The following SNX9 variants were observed in gnomAD, a reference collection of about 807,000 sequenced individuals.
SNX9 encodes sorting nexin-9.
A neutral mutation model predicts 89.4 loss-of-function variants in SNX9; 44 were observed. The observed-to-expected ratio is 0.49, with a 90% CI of 0.39 to 0.63. The LOEUF (loss-of-function observed/expected upper bound fraction) is 0.63, where lower values mean the gene tolerates loss of function less well. Ranked by LOEUF, SNX9 falls within the 30% of genes least tolerant of loss-of-function variation. The pLI is 0.00. For missense variants in SNX9, 578 were observed against 736.1 expected, an observed-to-expected ratio of 0.79 and a Z score of 2.49; for synonymous variants, 236 against 247.8, an observed-to-expected ratio of 0.95 and a Z score of 0.45.
intron 4 of SNX9, among the ~76,000 whole-genome samples, chr6:157,876,198 C>T (rs1167073481): frequency 6.6e-6 from 1 of 151,520 alleles, no homozygotes; most frequent in African/African-American, 2.4e-5. Context: ...CCTGTAATCC[C>T]ACCAGCACTT....
chr6:157,868,244 A>G (rs1366218614), intron 2 of SNX9, among the ~76,000 whole-genome samples: 1 of 152,234 alleles, frequency 6.6e-6, no homozygotes, highest in African/African-American at 2.4e-5. Flanking sequence ...AAGCAACTCT[A>G]TGTATAAAAA....
At chr6:157,939,102 G>T (rs1454503007) in intron 16 of SNX9, among the ~76,000 whole-genome samples, 2 of 151,996 alleles carry the variant, frequency 1.3e-5, no homozygotes, top group Non-Finnish European at 2.9e-5. Flanking sequence ...GAATGTGAAG[G>T]GGTTTGGGTG....
intron 9 of SNX9, among the ~76,000 whole-genome samples, chr6:157,919,566 A>G (rs1032103294): frequency 6.6e-6 from 1 of 151,474 alleles, no homozygotes. Flanking sequence ...TTTTTTGGTA[A>G]CTTCTCTCTC....
chr6:157,860,968 C>G (rs1481209747), intron 1 of SNX9, among the ~76,000 whole-genome samples: 3 of 152,144 alleles, frequency 2.0e-5, no homozygotes, highest in Non-Finnish European at 4.4e-5. Context: ...TCCCAAACTG[C>G]TTGTCTAATT....
chr6:157,886,258 T>C (rs2115152470), intron 4 of SNX9, among the ~76,000 whole-genome samples: 1 of 152,128 alleles, frequency 6.6e-6, no homozygotes, highest in African/African-American at 2.4e-5. Context: ...TGGTCCCAGT[T>C]CCCCAAGGAT....
chr6:157,898,366 C>T (rs975249022), intron 5 of SNX9, among the ~76,000 whole-genome samples: 1 of 152,184 alleles, frequency 6.6e-6, no homozygotes, highest in African/African-American at 2.4e-5. Flanking sequence ...GGCTGAGGGC[C>T]CCTGCTGTCG....
intron 1 of SNX9, among the ~76,000 whole-genome samples, chr6:157,864,982 T>A (rs9458714): frequency 6.7e-6 from 1 of 149,586 alleles, no homozygotes; most frequent in African/African-American, 2.5e-5. Context: ...GAGCTGAGAC[T>A]TGCCACTGCA....
Position 157,940,969 on chromosome 6 carries a change from G to A in SNX9, c.1735G>A (p.Glu579Lys), listed in dbSNP as rs772874745. The change falls in exon 17 of 18, where the codon GAA (glutamate) becomes AAA (lysine). Residue 579 changes from glutamate to lysine, a missense_variant. Around this residue, in one of 2 missense-constraint regions of SNX9, gnomAD observed 348 missense variants for 491.4 expected, o/e 0.71. Transcript: ENST00000392185. ...CCTGGAGCAGCAAGTGCAATTTTACGAAACGGTGAGTGGGCGTCCACGTGC... is the reference window on the plus strand; with the variant it reads ...CCTGGAGCAGCAAGTGCAATTTTACAAAACGGTGAGTGGGCGTCCACGTGC... ...LYLEQQVQFY[E>K]TIAEKLRQAL... is the part of the protein sequence containing the mutation. 42 of 1,614,006 alleles carry A rather than the reference G, an allele frequency of 2.6e-5. No homozygotes were observed. The Middle Eastern group carries it at 6.6e-4, about 25-fold the overall frequency.
intron 2 of SNX9, among the ~76,000 whole-genome samples, chr6:157,868,397 G>A (rs1301172492): frequency 6.6e-6 from 1 of 152,120 alleles, no homozygotes; most frequent in Non-Finnish European, 1.5e-5. Flanking sequence ...ATATAACTGG[G>A]TTTATTATGC....
Position 157,909,874 on chromosome 6 carries a change from A to G in SNX9, c.832-34A>G, listed in dbSNP as rs773712031. Reference sequence around the variant, plus strand: ...TTTTTCTTCATTTTCTAGAGTTGGCATTGGTAACCTTTTCTCTTTCCCTTA... The same window carrying G: ...TTTTTCTTCATTTTCTAGAGTTGGCGTTGGTAACCTTTTCTCTTTCCCTTA... On this transcript the variant is annotated intron_variant, in intron 8 of 17. Transcript: ENST00000392185. 6.2e-6 allele frequency: 10 copies of G among 1,611,736 alleles called. No homozygotes were observed. The Admixed American group carries it at 1.0e-4, about 16-fold the overall frequency.
At chr6:157,880,757 A>G (rs973964593) in intron 4 of SNX9, among the ~76,000 whole-genome samples, 12 of 152,178 alleles carry the variant, frequency 7.9e-5, no homozygotes, top group Admixed American at 2.6e-4. Flanking sequence ...CCTCCTTAAG[A>G]GGCAACCTAG....
rs780535779 is a variant in SNX9, at chr6:157,940,948, G to A, written c.1714G>A (p.Glu572Lys). The A allele has an allele frequency of 3.7e-6, 6 of 1,614,068 alleles. No homozygotes were observed. Among genetic ancestry groups the A allele is most frequent in the African/African-American group, 1.3e-5 (1 of 74,918 alleles). ...DYNSVIRLYLEQQVQFYETIA... is the reference protein window; with the variant it reads ...DYNSVIRLYLKQQVQFYETIA... Reference sequence around the variant, plus strand: ...CAACAGTGTCATCCGCCTGTACCTGGAGCAGCAAGTGCAATTTTACGAAAC... The same window carrying A: ...CAACAGTGTCATCCGCCTGTACCTGAAGCAGCAAGTGCAATTTTACGAAAC... Residue 572 changes from glutamate (E) to lysine (K), a missense_variant, in exon 17 of 18, where the codon GAG (glutamate) becomes AAG (lysine). Physicochemically the swap from Glu to Lys is moderately conservative, Grantham distance 56. Transcript: ENST00000392185.
chr6:157,836,220 G>T (rs1309999247), intron 1 of SNX9, among the ~76,000 whole-genome samples: 1 of 152,166 alleles, frequency 6.6e-6, no homozygotes, highest in Non-Finnish European at 1.5e-5. Flanking sequence ...AAAGTGCTGG[G>T]ATTATAGCCA....
rs1562627627 is a variant in SNX9 at position 157,943,066 on chromosome 6, CTA to C, written c.*230_*231del. On this transcript the variant is annotated 3_prime_UTR_variant, in exon 18 of 18. Coordinates refer to ENST00000392185, the MANE Select transcript of SNX9 (RefSeq NM_016224.5). Reference sequence around the variant, plus strand: ...TTATTTAAACCAGTGGAAATTGTCTCTATTTTTGGAAAGTACTTAAAAGTTAC... The same window carrying C: ...TTATTTAAACCAGTGGAAATTGTCTCTTTTTGGAAAGTACTTAAAAGTTAC... 1 of 400,636 alleles carries C rather than the reference CTA, an allele frequency of 2.5e-6. No homozygotes were observed. Among genetic ancestry groups the C allele is most frequent in the Non-Finnish European group, 4.4e-6 (1 of 228,846 alleles). 24.8% of individuals were successfully genotyped at this position (400,636 alleles called of 1,614,324 possible). A position where few individuals can be genotyped will look rare whatever the true frequency, so the allele number is the denominator to read the frequency against.
chr6:157,835,161 T>C (rs568839474), intron 1 of SNX9, among the ~76,000 whole-genome samples: 3 of 152,178 alleles, frequency 2.0e-5, no homozygotes, highest in South Asian at 4.2e-4. Context: ...TACAGATGTG[T>C]GCCACCACGC....
chr6:157,941,803 G>A (rs1290720391), intron 17 of SNX9, among the ~76,000 whole-genome samples: 1 of 152,212 alleles, frequency 6.6e-6, no homozygotes, highest in African/African-American at 2.4e-5. Context: ...ATGCATATTT[G>A]TGAATTGTGT....
At chr6:157,886,927 A>G (rs1782748672) in intron 4 of SNX9, among the ~76,000 whole-genome samples, 1 of 151,608 alleles carries the variant, frequency 6.6e-6, no homozygotes, top group South Asian at 2.1e-4. Context: ...TGAGTCTTCT[A>G]CCTCATTAAT....
chr6:157,826,518 AG>A (rs1456654369), intron 1 of SNX9, among the ~76,000 whole-genome samples: 3 of 149,498 alleles, frequency 2.0e-5, no homozygotes, highest in Non-Finnish European at 4.4e-5. Context: ...AAAAAAAAAA[AG>A]GAAAGTTAAT....
intron 3 of SNX9, 60 bp from the exon 4 acceptor site, chr6:157,874,991 G>A (rs563572148): frequency 1.4e-5 from 21 of 1,554,364 alleles, no homozygotes; most frequent in East Asian, 4.7e-5. Flanking sequence ...GCTTGCCCTC[G>A]AAGACTCCCT....
Sources: allele counts gnomAD v4.1 joint callset (sites outside exome capture counted in the v4.1 genomes callset), GRCh38; gene constraint gnomAD v4.1.1; regional missense constraint gnomAD v4.1.1; transcripts MANE v1.5; gene names NCBI Gene and HGNC (gene_info 2026-07-23, HGNC 2026-07-21).